Variants in UNC5D observed in about 807,000 individuals in gnomAD.
The protein encoded by UNC5D is netrin receptor UNC5D.
UNC5D carries 39 observed loss-of-function variants against 105.4 expected under a neutral mutation model. That is an observed-to-expected ratio of 0.37 (90% CI 0.29 to 0.48). The LOEUF (loss-of-function observed/expected upper bound fraction) is 0.48, where lower values mean the gene tolerates loss of function less well. UNC5D is among the 20% of genes least tolerant of loss of function. The pLI is 0.98. For missense variants in UNC5D, 991 were observed against 1,202.4 expected, an observed-to-expected ratio of 0.82 and a Z score of 2.60; for synonymous variants, 452 against 450.4, an observed-to-expected ratio of 1.00 and a Z score of -0.04.
At chr8:35,769,798 C>A (rs748486394) in intron 15 of UNC5D, among the ~76,000 whole-genome samples, 6 of 152,094 alleles carry the variant, frequency 3.9e-5, no homozygotes, top group Non-Finnish European at 7.3e-5. Context: ...CCCGTCTCTA[C>A]TAAAAATACA....
intron 1 of UNC5D, among the ~76,000 whole-genome samples, chr8:35,534,814 G>C (rs958724788): frequency 6.6e-6 from 1 of 151,844 alleles, no homozygotes; most frequent in African/African-American, 2.4e-5. Flanking sequence ...TGAGAGTTAC[G>C]AGAAAATATA....
chr8:35,349,955 C>T (rs976869198), intron 1 of UNC5D, among the ~76,000 whole-genome samples: 4 of 151,896 alleles, frequency 2.6e-5, no homozygotes, highest in Non-Finnish European at 4.4e-5. Flanking sequence ...ACAGCACCAG[C>T]GGTTGTGTCT....
rs935319084 is a variant in UNC5D, at chr8:35,235,764, C to T, written c.-21C>T. On this transcript the variant is annotated 5_prime_UTR_variant, in exon 1 of 17. Transcript: ENST00000404895. Reference sequence around the variant, plus strand: ...TCCCGGAGCGTGAAGAAGAGCCGCCCTCCGGAACGCGGCGAGGAGCATGGG... The same window carrying T: ...TCCCGGAGCGTGAAGAAGAGCCGCCTTCCGGAACGCGGCGAGGAGCATGGG... The T allele has an allele frequency of 1.1e-5, 13 of 1,229,304 alleles. No individual in the cohort carries two copies. In the South Asian group the frequency reaches 3.7e-4, roughly 35 times the overall value. 76.1% of individuals were successfully genotyped at this position (1,229,304 alleles called of 1,614,324 possible). A position where few individuals can be genotyped will look rare whatever the true frequency, so the allele number is the denominator to read the frequency against.
At chr8:35,236,795 C>T (rs1802501445) in intron 1 of UNC5D, among the ~76,000 whole-genome samples, 1 of 152,186 alleles carries the variant, frequency 6.6e-6, no homozygotes, top group Non-Finnish European at 1.5e-5. Flanking sequence ...AGTACCGGAG[C>T]TTTACCTTTG....
chr8:35,589,735 T>C (rs1819037293), intron 3 of UNC5D, among the ~76,000 whole-genome samples: 1 of 152,226 alleles, frequency 6.6e-6, no homozygotes, highest in East Asian at 1.9e-4. Flanking sequence ...ATATTTCATA[T>C]AAACGAATCA....
intron 3 of UNC5D, 66 bp from the exon 4 acceptor site, chr8:35,595,488 C>A (rs2130901428): frequency 6.8e-7 from 1 of 1,470,200 alleles, no homozygotes; most frequent in Non-Finnish European, 9.5e-7. Context: ...TTTTTTTGTA[C>A]TTGGACCAAA....
At chr8:35,675,672 T>A (rs1343401205) in intron 4 of UNC5D, among the ~76,000 whole-genome samples, 1 of 152,026 alleles carries the variant, frequency 6.6e-6, no homozygotes, top group Admixed American at 6.6e-5. Flanking sequence ...GTTGGTCCAG[T>A]CTAGAATTCA....
intron 8 of UNC5D, among the ~76,000 whole-genome samples, chr8:35,713,335 A>G (rs115248197): frequency 0.013 from 2,034 of 152,272 alleles, 33 homozygotes; most frequent in African/African-American, 0.046. Context: ...TTATATCTTC[A>G]GTTTTCAGAA....
In UNC5D at chr8:35,388,256, C is replaced by T. The variant is rs538529110; in HGVS notation, c.103+152369C>T. 4.7e-3 allele frequency among the ~76,000 whole-genome samples: 708 copies of T among 151,956 alleles called. 6 individuals carry two copies. Among genetic ancestry groups the T allele is most frequent in the African/African-American group, 0.017 (684 of 41,436 alleles). On this transcript the variant is annotated intron_variant, in intron 1 of 16. Coordinates refer to ENST00000404895, the MANE Select transcript of UNC5D (RefSeq NM_080872.4). Reference sequence around the variant, plus strand: ...GCAGGCACCTGTAATCCCAGCTACTCGGGAGGCTGAGGCTGGAGAATCGCT... The same window carrying T: ...GCAGGCACCTGTAATCCCAGCTACTTGGGAGGCTGAGGCTGGAGAATCGCT...
intron 1 of UNC5D, among the ~76,000 whole-genome samples, chr8:35,354,508 G>A (rs896259592): frequency 1.3e-5 from 2 of 152,054 alleles, no homozygotes; most frequent in African/African-American, 4.8e-5. Flanking sequence ...TTTTCATTAT[G>A]CATAATTTAT....
In UNC5D at chr8:35,796,363, T is replaced by C. The variant is rs1198843968; in HGVS notation, c.*5800T>C. On this transcript the variant is annotated 3_prime_UTR_variant, in exon 17 of 17. Coordinates refer to ENST00000404895, the MANE Select transcript of UNC5D (RefSeq NM_080872.4). ...ATATATATACATATATATTTGGTAATGCCAAACAGCTCTGTTATATTGTAT... is the reference window on the plus strand; with the variant it reads ...ATATATATACATATATATTTGGTAACGCCAAACAGCTCTGTTATATTGTAT... 7.0e-6 allele frequency: 1 copy of C among 143,830 alleles called. No individual in the cohort carries two copies. The highest frequency in any genetic ancestry group is 1.5e-5 in the Non-Finnish European group (1 of 67,302). The allele number at this position is 143,830 out of a possible 1,614,324, so 8.9% of individuals were successfully genotyped here.
intron 3 of UNC5D, among the ~76,000 whole-genome samples, chr8:35,590,627 G>A (rs1322442155): frequency 6.6e-6 from 1 of 152,102 alleles, no homozygotes; most frequent in African/African-American, 2.4e-5. Flanking sequence ...TTAGGATCTA[G>A]TAATATACAT....
intron 1 of UNC5D, among the ~76,000 whole-genome samples, chr8:35,433,906 C>T (rs1806824227): frequency 6.6e-6 from 1 of 151,512 alleles, no homozygotes; most frequent in Non-Finnish European, 1.5e-5. Context: ...TCATTTATAC[C>T]AGTGGAACTT....
At chr8:35,644,303 A>C (rs924011819) in intron 4 of UNC5D, among the ~76,000 whole-genome samples, 2 of 152,076 alleles carry the variant, frequency 1.3e-5, no homozygotes, top group Non-Finnish European at 2.9e-5. Flanking sequence ...ACAATTGTAT[A>C]CCTGTTGGTG....
chr8:35,356,758 A>T (rs150442822), intron 1 of UNC5D, among the ~76,000 whole-genome samples: 21 of 152,186 alleles, frequency 1.4e-4, no homozygotes, highest in Non-Finnish European at 2.8e-4. Context: ...GGCCATTAAG[A>T]AGTAAAGTAA....
chr8:35,577,453 AC>A (rs1471312405), intron 3 of UNC5D, among the ~76,000 whole-genome samples: 1 of 152,156 alleles, frequency 6.6e-6, no homozygotes, highest in Non-Finnish European at 1.5e-5. Context: ...AGGAAGCAGC[AC>A]CCCTGAGGGG....
intron 4 of UNC5D, among the ~76,000 whole-genome samples, chr8:35,642,072 G>C (rs11775430): frequency 0.52 from 79,012 of 151,926 alleles, 24,272 homozygotes; most frequent in Non-Finnish European, 0.66. Flanking sequence ...ACCTCCCCCT[G>C]CCTCTCTGAC....
intron 1 of UNC5D, among the ~76,000 whole-genome samples, chr8:35,350,505 A>G (rs979248315): frequency 3.9e-5 from 6 of 152,018 alleles, no homozygotes; most frequent in Non-Finnish European, 7.4e-5. Context: ...ATAAAACTCA[A>G]AAACATGTAC....
chr8:35,589,413 T>A (rs915810691), intron 3 of UNC5D, among the ~76,000 whole-genome samples: 23 of 151,962 alleles, frequency 1.5e-4, no homozygotes, highest in African/African-American at 4.6e-4. Flanking sequence ...CATCTTTTTT[T>A]TTTTTTTTTA....
Sources: gnomAD v4.1 joint callset for allele counts (sites outside exome capture counted in the v4.1 genomes callset) on GRCh38, gnomAD v4.1.1 for gene constraint, MANE v1.5 for transcripts, NCBI Gene and HGNC (gene_info 2026-07-23, HGNC 2026-07-21) for gene names.